PLXNA2: variants seen among roughly 807,000 people sequenced by gnomAD.
PLXNA2 encodes the protein plexin-A2.
A neutral mutation model predicts 193.5 loss-of-function variants in PLXNA2; 91 were observed. The observed-to-expected ratio is 0.47, with a 90% CI of 0.40 to 0.56. PLXNA2 has a LOEUF of 0.56. Among genes scored for constraint, PLXNA2 ranks in the 20% least tolerant of loss-of-function variants. PLXNA2 has a pLI of 0.00. For synonymous variants in PLXNA2, 997 were observed against 1,027.3 expected, an observed-to-expected ratio of 0.97 and a Z score of 0.56; for missense variants, 1,995 against 2,503.2, an observed-to-expected ratio of 0.80 and a Z score of 4.33.
rs1571834290 is a variant in PLXNA2, at chr1:208,025,851, A to T, written c.*1392T>A. On this transcript the variant is annotated 3_prime_UTR_variant, in exon 32 of 32. Coordinates refer to ENST00000367033, the MANE Select transcript of PLXNA2 (RefSeq NM_025179.4). ...GAGAAGTCATCCACTTGTCCTTCAC[A>T]CTCACAAGTCCGTGAGAGGCAGAAA... 6.6e-6 allele frequency: 1 copy of T among 152,420 alleles called. No homozygotes were observed. Among genetic ancestry groups the T allele is most frequent in the Non-Finnish European group, 1.5e-5 (1 of 68,028 alleles). 9.4% of individuals were successfully genotyped at this position (152,420 alleles called of 1,614,324 possible).
At chr1:208,192,863 G>T (rs1173137865) in intron 3 of PLXNA2, among the ~76,000 whole-genome samples, 1 of 149,338 alleles carries the variant, frequency 6.7e-6, no homozygotes, top group Admixed American at 6.7e-5. Flanking sequence ...TTCCAGCCTG[G>T]GCAACAAGAG....
At chr1:208,032,274 C>G (rs1249242685) in intron 28 of PLXNA2, 1 of 306,186 alleles carries the variant, frequency 3.3e-6, no homozygotes, top group East Asian at 1.7e-4. Flanking sequence ...CAAGAACCAC[C>G]TCCCCACAGG....
intron 29 of PLXNA2, chr1:208,029,276 A>G: frequency 7.5e-7 from 1 of 1,339,426 alleles, no homozygotes; most frequent in Non-Finnish European, 9.6e-7. Context: ...GATCTCTAAC[A>G]TCCGAGGGGT....
chr1:208,218,018 C>T lies in PLXNA2; in HGVS notation c.-80-16G>A. 1 of 1,541,624 alleles carries T rather than the reference C, an allele frequency of 6.5e-7. No individual in the cohort carries two copies. Among genetic ancestry groups the T allele is most frequent in the East Asian group, 2.4e-5 (1 of 41,554 alleles). On this transcript the variant is annotated splice_polypyrimidine_tract_variant and intron_variant, in intron 1 of 31. Coordinates refer to ENST00000367033, the MANE Select transcript of PLXNA2 (RefSeq NM_025179.4). ...TCACATGATTCTGCAAAACACAAGG[C>T]AGAGTGGTCAGACCAAAAATAATTT...
chr1:208,228,708 C>G (rs1401203566), intron 1 of PLXNA2, among the ~76,000 whole-genome samples: 1 of 152,192 alleles, frequency 6.6e-6, no homozygotes, highest in African/African-American at 2.4e-5. Flanking sequence ...TCTAACCTCA[C>G]TGCCCACCTC....
intron 22 of PLXNA2, 84 bp downstream of exon 22, chr1:208,042,014 C>T: frequency 6.9e-7 from 1 of 1,441,936 alleles, no homozygotes; most frequent in South Asian, 1.3e-5. Flanking sequence ...CCTTCTCATG[C>T]TGCTTGTGGG....
At chr1:208,233,545 C>T (rs952315519) in intron 1 of PLXNA2, among the ~76,000 whole-genome samples, 10 of 152,208 alleles carry the variant, frequency 6.6e-5, no homozygotes, top group Admixed American at 5.2e-4. Flanking sequence ...TTCTCTGGAT[C>T]CCAGCCCTCT....
rs771668070 is a variant in PLXNA2 at position 208,042,145 on chromosome 1, G to A, written c.4239C>T (p.Ile1413=). Residue 1413 remains isoleucine (I), a synonymous_variant, in exon 22 of 32, where the codon ATC becomes ATT. Transcript: ENST00000367033. ...GGTTCTTGTTCTCCAGGTTCTTATC[G>A]ATGAGGTCAGAGAGCAGCTGCTTGA... ...DVLKQLLSDL[I]DKNLENKNHP... 3.1e-6 allele frequency: 5 copies of A among 1,614,190 alleles called. No homozygotes were observed. Among genetic ancestry groups the A allele is most frequent in the Admixed American group, 1.7e-5 (1 of 60,028 alleles).
At chr1:208,057,653 G>A (rs952490746) in intron 13 of PLXNA2, among the ~76,000 whole-genome samples, 1 of 152,144 alleles carries the variant, frequency 6.6e-6, no homozygotes, top group Non-Finnish European at 1.5e-5. Flanking sequence ...TCTCCTCCCT[G>A]TGTCTCTGGT....
Position 208,026,853 on chromosome 1 carries a change from C to T in PLXNA2, c.*390G>A, listed in dbSNP as rs1664356049. ...AACAGGGCGGCTTTTTGTTTTATTT[C>T]TGTTTTTTTCCCTTTTTCTTAAAAA... On this transcript the variant is annotated 3_prime_UTR_variant, in exon 32 of 32. Transcript: ENST00000367033. 6.5e-6 allele frequency: 1 copy of T among 154,062 alleles called. No individual in the cohort carries two copies. The highest frequency in any genetic ancestry group is 2.4e-5 in the African/African-American group (1 of 41,448). 9.5% of individuals were successfully genotyped at this position (154,062 alleles called of 1,614,324 possible). A position where few individuals can be genotyped will look rare whatever the true frequency, so the allele number is the denominator to read the frequency against.
At chr1:208,052,969 A>G (rs1012490432) in intron 14 of PLXNA2, among the ~76,000 whole-genome samples, 1 of 151,960 alleles carries the variant, frequency 6.6e-6, no homozygotes, top group African/African-American at 2.4e-5. Flanking sequence ...CCTGGTGCAG[A>G]GAGCTGTCAG....
intron 12 of PLXNA2, among the ~76,000 whole-genome samples, chr1:208,064,891 A>G (rs1206050058): frequency 6.6e-6 from 1 of 152,188 alleles, no homozygotes; most frequent in African/African-American, 2.4e-5. Flanking sequence ...GCCCCGCCCA[A>G]CACACACAGA....
chr1:208,161,119 T>C (rs1381545816), intron 3 of PLXNA2, among the ~76,000 whole-genome samples: 1 of 152,212 alleles, frequency 6.6e-6, no homozygotes, highest in Non-Finnish European at 1.5e-5. Context: ...CTGGAGGTGA[T>C]GTTGCCTTAT....
intron 1 of PLXNA2, among the ~76,000 whole-genome samples, chr1:208,242,133 G>T (rs1208532584): frequency 2.8e-4 from 42 of 152,180 alleles, no homozygotes; most frequent in Non-Finnish European, 2.9e-5. Flanking sequence ...TTTCAGTTAG[G>T]AATAGCTGAA....
intron 3 of PLXNA2, among the ~76,000 whole-genome samples, chr1:208,180,456 C>T (rs1466146663): frequency 6.6e-6 from 1 of 152,128 alleles, no homozygotes; most frequent in Non-Finnish European, 1.5e-5. Flanking sequence ...GTGGCTATGG[C>T]TGCCTGGGTA....
At chr1:208,220,193 T>C (rs529818241) in intron 1 of PLXNA2, among the ~76,000 whole-genome samples, 8 of 152,168 alleles carry the variant, frequency 5.3e-5, no homozygotes, top group Non-Finnish European at 1.2e-4. Flanking sequence ...CTCACCTCCC[T>C]GCTTGGTATC....
chr1:208,228,311 C>T (rs935718974), intron 1 of PLXNA2, among the ~76,000 whole-genome samples: 3 of 152,156 alleles, frequency 2.0e-5, no homozygotes, highest in African/African-American at 7.2e-5. Context: ...AGATGATGTG[C>T]ACTTTTTAGC....
At chr1:208,209,879 A>G (rs1009590820) in intron 3 of PLXNA2, 1 of 238,420 alleles carries the variant, frequency 4.2e-6, no homozygotes. Context: ...AACAAAGACC[A>G]GTATAATCAA....
intron 4 of PLXNA2, among the ~76,000 whole-genome samples, chr1:208,132,725 A>G (rs1276924590): frequency 6.6e-6 from 1 of 152,106 alleles, no homozygotes. Context: ...ATGATGATGT[A>G]TGGGGGCACA....
Sources: allele counts gnomAD v4.1 joint callset (sites outside exome capture counted in the v4.1 genomes callset), GRCh38; gene constraint gnomAD v4.1.1; transcripts MANE v1.5; gene names NCBI Gene and HGNC (gene_info 2026-07-23, HGNC 2026-07-21).